The following NBAS variants were observed in gnomAD, a reference collection of about 807,000 sequenced individuals.
The protein encoded by NBAS is NBAS subunit of NRZ tethering complex.
NBAS carries 219 observed loss-of-function variants against 302.5 expected under a neutral mutation model. That is an observed-to-expected ratio of 0.72 (90% CI 0.65 to 0.81). The LOEUF (loss-of-function observed/expected upper bound fraction) is 0.81. NBAS is among the 30% of genes least tolerant of loss of function. The probability of loss-of-function intolerance (pLI) is 0.00; values close to 1 mark genes in which losing one functional copy is unlikely to be tolerated. For missense variants in NBAS, 2,932 were observed against 2,841.6 expected, an observed-to-expected ratio of 1.03 and a Z score of -0.72; for synonymous variants, 1,118 against 1,021.6, an observed-to-expected ratio of 1.09 and a Z score of -1.80.
the NBAS span, among the ~76,000 whole-genome samples, chr2:15,069,834 A>T: frequency 9.8e-5 from 15 of 152,342 alleles, no homozygotes; most frequent in African/African-American, 2.6e-4. Flanking sequence ...AACATTTGTT[A>T]AAAAATGCGA....
chr2:15,121,083 A>G, the NBAS span, among the ~76,000 whole-genome samples: 19 of 152,120 alleles, frequency 1.2e-4, no homozygotes, highest in Admixed American at 2.0e-4. Flanking sequence ...AATAAAGCCA[A>G]ATGGGGATGG....
At chr2:14,820,530 G>A in the NBAS span, among the ~76,000 whole-genome samples, 1 of 152,296 alleles carries the variant, frequency 6.6e-6, no homozygotes, top group East Asian at 1.9e-4. Context: ...GTGTAGCACA[G>A]GGGTTAGTGG....
At chr2:14,927,438 A>G in the NBAS span, among the ~76,000 whole-genome samples, 3 of 152,288 alleles carry the variant, frequency 2.0e-5, no homozygotes, top group East Asian at 5.8e-4. Flanking sequence ...GTATGTATAT[A>G]ACACATTTTC....
At chr2:15,300,341 C>A (rs1461200842) in intron 40 of NBAS, among the ~76,000 whole-genome samples, 6 of 152,152 alleles carry the variant, frequency 3.9e-5, no homozygotes, top group Non-Finnish European at 7.3e-5. Flanking sequence ...AAATTGAAAC[C>A]ACTTTGATTT....
the NBAS span, among the ~76,000 whole-genome samples, chr2:15,073,664 T>C: frequency 6.6e-6 from 1 of 152,134 alleles, no homozygotes; most frequent in African/African-American, 2.4e-5. Flanking sequence ...TACTTTCTCA[T>C]GTTATACACA....
At chr2:15,456,722 T>C (rs1679263966) in intron 21 of NBAS, among the ~76,000 whole-genome samples, 1 of 151,854 alleles carries the variant, frequency 6.6e-6, no homozygotes, top group South Asian at 2.1e-4. Flanking sequence ...AAACAGACAA[T>C]AAATAAGATA....
At chr2:15,399,988 T>C (rs941314492) in intron 26 of NBAS, among the ~76,000 whole-genome samples, 4 of 152,148 alleles carry the variant, frequency 2.6e-5, no homozygotes, top group Admixed American at 6.5e-5. Context: ...TTTCCTAATA[T>C]GTGACAGTCT....
In NBAS at chr2:15,186,622, C is replaced by T; in HGVS notation, c.6711+120G>A. 4 of 1,440,056 alleles carry T rather than the reference C, an allele frequency of 2.8e-6. No homozygotes were observed. The South Asian group carries it at 4.7e-5, about 17-fold the overall frequency. The allele number at this position is 1,440,056 out of a possible 1,614,324, so 89.2% of individuals were successfully genotyped here. A position where few individuals can be genotyped will look rare whatever the true frequency, so the allele number is the denominator to read the frequency against. ...CATCTGATCCATCAGAAATTATGGCCTTTACCAGTAATTACTTAAGCTAAA... is the reference window on the plus strand; with the variant it reads ...CATCTGATCCATCAGAAATTATGGCTTTTACCAGTAATTACTTAAGCTAAA... On this transcript the variant is annotated intron_variant, in intron 50 of 51. Transcript: ENST00000281513.
intron 42 of NBAS, among the ~76,000 whole-genome samples, chr2:15,279,800 T>C (rs1246049386): frequency 6.6e-6 from 1 of 152,174 alleles, no homozygotes; most frequent in Non-Finnish European, 1.5e-5. Context: ...TAGATGCTAG[T>C]AATCAATAGC....
At chr2:15,436,524 G>A (rs1277898305) in intron 21 of NBAS, among the ~76,000 whole-genome samples, 1 of 152,218 alleles carries the variant, frequency 6.6e-6, no homozygotes, top group African/African-American at 2.4e-5. Flanking sequence ...AAAAAATGTT[G>A]ATATAAAATA....
At chr2:14,905,261 T>A in the NBAS span, among the ~76,000 whole-genome samples, 1 of 152,224 alleles carries the variant, frequency 6.6e-6, no homozygotes, top group African/African-American at 2.4e-5. Context: ...AGTTGACATC[T>A]AATATTAACC....
At chr2:14,943,357 A>C in the NBAS span, among the ~76,000 whole-genome samples, 1 of 152,244 alleles carries the variant, frequency 6.6e-6, no homozygotes, top group African/African-American at 2.4e-5. Context: ...TTTTCATGTT[A>C]CAGCCTAACT....
At chr2:15,164,214 T>C (rs1663961273), downstream of NBAS, among the ~76,000 whole-genome samples, 1 of 152,194 alleles carries the variant, frequency 6.6e-6, no homozygotes, top group East Asian at 1.9e-4. Flanking sequence ...GCCATGATAT[T>C]ATCAGTCCCT....
chr2:15,214,482 C>A (rs987740174), intron 48 of NBAS, among the ~76,000 whole-genome samples: 3 of 152,152 alleles, frequency 2.0e-5, no homozygotes, highest in African/African-American at 7.2e-5. Context: ...ACTTCTGTAT[C>A]CTTTTCTATA....
chr2:14,986,678 T>G, the NBAS span, among the ~76,000 whole-genome samples: 6 of 152,138 alleles, frequency 3.9e-5, no homozygotes, highest in Non-Finnish European at 7.4e-5. Flanking sequence ...TGAAGTTTAT[T>G]TACTTGAACT....
At chr2:14,986,106 G>A in the NBAS span, among the ~76,000 whole-genome samples, 1 of 152,014 alleles carries the variant, frequency 6.6e-6, no homozygotes, top group Non-Finnish European at 1.5e-5. Context: ...TATTAACAAG[G>A]TACTATTTTG....
chr2:15,183,930 C>G (rs1401753380), intron 50 of NBAS, among the ~76,000 whole-genome samples: 1 of 152,118 alleles, frequency 6.6e-6, no homozygotes, highest in East Asian at 1.9e-4. Flanking sequence ...TGCAAATAAA[C>G]TTAATGTATT....
chr2:15,332,645 C>A (rs1162161177), intron 35 of NBAS, among the ~76,000 whole-genome samples: 1 of 150,960 alleles, frequency 6.6e-6, no homozygotes, highest in African/African-American at 2.4e-5. Flanking sequence ...ATGAAAAAAA[C>A]AACATATAAA....
chr2:15,327,894 T>C (rs1245026822), intron 37 of NBAS, 24 bp from the exon 38 acceptor site: 3 of 1,613,168 alleles, frequency 1.9e-6, no homozygotes, highest in African/African-American at 1.3e-5. Context: ...GCAGTTTCAC[T>C]ATCTAGTAGG....
Sources: allele counts gnomAD v4.1 joint callset (sites outside exome capture counted in the v4.1 genomes callset), GRCh38; gene constraint gnomAD v4.1.1; transcripts MANE v1.5; gene names NCBI Gene and HGNC (gene_info 2026-07-23, HGNC 2026-07-21).